Variants in PTPRM observed in about 807,000 individuals in gnomAD.
PTPRM encodes protein tyrosine phosphatase receptor type M.
In PTPRM, 47 loss-of-function variants were observed where a neutral mutation model predicts 186.7. The ratio of observed to expected loss-of-function variants is 0.25; its 90% CI spans 0.20 to 0.32. The LOEUF (loss-of-function observed/expected upper bound fraction) is 0.32. Among genes scored for constraint, PTPRM ranks in the 10% least tolerant of loss-of-function variants. The probability of loss-of-function intolerance (pLI) is 1.00; values close to 1 mark genes in which losing one functional copy is unlikely to be tolerated. For missense variants in PTPRM, 1,494 were observed against 1,865.0 expected (o/e 0.80, Z 3.66); for synonymous variants, 668 against 674.9 (o/e 0.99, Z 0.16).
intron 1 of PTPRM, among the ~76,000 whole-genome samples, chr18:7,735,241 A>AC (rs927652911): frequency 2.0e-5 from 3 of 152,126 alleles, no homozygotes; most frequent in Non-Finnish European, 4.4e-5. Context: ...ACATAGTGAC[A>AC]CCCCATCTAT....
At chr18:7,591,262 G>C (rs941214571) in intron 1 of PTPRM, among the ~76,000 whole-genome samples, 15 of 152,152 alleles carry the variant, frequency 9.9e-5, no homozygotes, top group Non-Finnish European at 1.8e-4. Context: ...TTGCTGAAGT[G>C]TTAATGGATT....
At chr18:7,629,046 C>A (rs189097376) in intron 1 of PTPRM, among the ~76,000 whole-genome samples, 1 of 152,272 alleles carries the variant, frequency 6.6e-6, no homozygotes, top group East Asian at 1.9e-4. Flanking sequence ...TATCATGGAA[C>A]CACTTACACT....
intron 7 of PTPRM, among the ~76,000 whole-genome samples, chr18:8,031,794 C>G (rs2085992593): frequency 6.6e-6 from 1 of 152,164 alleles, no homozygotes; most frequent in Non-Finnish European, 1.5e-5. Flanking sequence ...AATCAGCAGT[C>G]TTTTCTAGGC....
chr18:7,773,748 T>G (rs766770589), intron 1 of PTPRM, among the ~76,000 whole-genome samples: 3 of 151,968 alleles, frequency 2.0e-5, no homozygotes, highest in Non-Finnish European at 4.4e-5. Context: ...GCCCAGCTAA[T>G]TTTTGTATTT....
intron 19 of PTPRM, among the ~76,000 whole-genome samples, chr18:8,289,021 A>G (rs1252173879): frequency 6.6e-6 from 1 of 152,142 alleles, no homozygotes; most frequent in Non-Finnish European, 1.5e-5. Flanking sequence ...TGCACAGTGC[A>G]ATGCATCAGG....
chr18:8,379,105 C>A, intron 27 of PTPRM, 62 bp from the exon 28 acceptor site: 1 of 1,409,388 alleles, frequency 7.1e-7, no homozygotes, highest in Non-Finnish European at 9.6e-7. Context: ...TCGAAAACTG[C>A]ACGTGAGAGG....
chr18:8,075,692 TC>T lies in PTPRM; in HGVS notation c.1442-758del, dbSNP rs142503002. ...AAGTTTTGAAAAATGGCATCAAACTTCCCCCAAATCACATATAGTATTAACA... is the reference window on the plus strand; with the variant it reads ...AAGTTTTGAAAAATGGCATCAAACTTCCCCAAATCACATATAGTATTAACA... On this transcript the variant is annotated intron_variant, in intron 8 of 32. Coordinates refer to ENST00000580170, the MANE Select transcript of PTPRM (RefSeq NM_001105244.2). 8.1e-3 allele frequency among the ~76,000 whole-genome samples: 1,233 copies of T among 152,040 alleles called. 7 individuals are homozygous for T. The highest frequency in any genetic ancestry group is 0.014 in the Non-Finnish European group (979 of 67,914).
At chr18:7,973,507 C>T (rs192778433) in intron 7 of PTPRM, among the ~76,000 whole-genome samples, 314 of 152,256 alleles carry the variant, frequency 2.1e-3, no homozygotes, top group Admixed American at 3.3e-3. Context: ...TATATTTCTT[C>T]CTCAGCAAAT....
chr18:8,114,337 C>T (rs1378637832), intron 12 of PTPRM, among the ~76,000 whole-genome samples: 1 of 152,144 alleles, frequency 6.6e-6, no homozygotes, highest in Non-Finnish European at 1.5e-5. Context: ...TGTAAACTCT[C>T]CTTAGACAGA....
intron 7 of PTPRM, among the ~76,000 whole-genome samples, chr18:7,978,782 AG>A (rs1351882013): frequency 6.6e-6 from 1 of 152,230 alleles, no homozygotes; most frequent in Non-Finnish European, 1.5e-5. Flanking sequence ...TATTAAGGTT[AG>A]GATATGAAAC....
chr18:7,951,029 G>A (rs773520810), intron 6 of PTPRM, among the ~76,000 whole-genome samples: 1 of 152,180 alleles, frequency 6.6e-6, no homozygotes, highest in African/African-American at 2.4e-5. Context: ...GATGTTCGGC[G>A]TAAGGAAGTG....
At chr18:7,776,618 A>G (rs182952595) in intron 2 of PTPRM, among the ~76,000 whole-genome samples, 112 of 152,266 alleles carry the variant, frequency 7.4e-4, no homozygotes, top group African/African-American at 2.6e-3. Flanking sequence ...AGGAAGGATT[A>G]TAAGAAATGA....
chr18:7,956,600 T>G (rs1393528752), intron 7 of PTPRM, among the ~76,000 whole-genome samples: 1 of 152,240 alleles, frequency 6.6e-6, no homozygotes, highest in Non-Finnish European at 1.5e-5. Flanking sequence ...TGTATCCTCG[T>G]GGCACCTTTG....
At chr18:7,865,425 T>G (rs1473889709) in intron 2 of PTPRM, among the ~76,000 whole-genome samples, 1 of 152,228 alleles carries the variant, frequency 6.6e-6, no homozygotes, top group Admixed American at 6.5e-5. Context: ...AGGCCTTTAC[T>G]GCATCTATTG....
chr18:8,087,839 C>G (rs1482158515), intron 10 of PTPRM, among the ~76,000 whole-genome samples: 1 of 152,168 alleles, frequency 6.6e-6, no homozygotes, highest in Non-Finnish European at 1.5e-5. Context: ...GCTTTCTCAT[C>G]AGGAGTCTCT....
At chr18:7,911,038 C>T (rs2050237938) in intron 4 of PTPRM, among the ~76,000 whole-genome samples, 1 of 152,128 alleles carries the variant, frequency 6.6e-6, no homozygotes, top group Non-Finnish European at 1.5e-5. Flanking sequence ...CTATATGTGG[C>T]CCTTTGTGTC....
chr18:8,192,997 TG>T (rs1300003608), intron 14 of PTPRM, among the ~76,000 whole-genome samples: 2 of 152,100 alleles, frequency 1.3e-5, no homozygotes, highest in African/African-American at 4.8e-5. Flanking sequence ...AGAAAGCATG[TG>T]GGGGACAGTT....
chr18:8,324,373 A>G (rs2095363275), intron 22 of PTPRM, among the ~76,000 whole-genome samples: 1 of 152,186 alleles, frequency 6.6e-6, no homozygotes, highest in African/African-American at 2.4e-5. Flanking sequence ...ATTCGTGCTG[A>G]AAAGTTTATG....
intron 11 of PTPRM, among the ~76,000 whole-genome samples, chr18:8,109,617 G>A (rs889550891): frequency 6.6e-6 from 1 of 152,048 alleles, no homozygotes. Flanking sequence ...TGAAACAAAT[G>A]ATTTTTTTCA....
Sources: gnomAD v4.1 joint callset for allele counts (sites outside exome capture counted in the v4.1 genomes callset) on GRCh38, gnomAD v4.1.1 for gene constraint, MANE v1.5 for transcripts, NCBI Gene and HGNC (gene_info 2026-07-23, HGNC 2026-07-21) for gene names.